Variants in SGIP1 observed in about 807,000 individuals in gnomAD.
SGIP1 encodes the protein SH3-containing GRB2-like protein 3-interacting protein 1.
A neutral mutation model predicts 107.5 loss-of-function variants in SGIP1; 38 were observed. The observed-to-expected ratio is 0.35, with a 90% CI of 0.27 to 0.46. The LOEUF is 0.46. SGIP1 is among the 20% of genes least tolerant of loss of function. The pLI is 1.00. For synonymous variants in SGIP1, 365 were observed against 366.1 expected (o/e 1.00, Z 0.03); for missense variants, 929 against 1,019.5 (o/e 0.91, Z 1.21).
intron 14 of SGIP1, among the ~76,000 whole-genome samples, chr1:66,680,774 T>C (rs2086530148): frequency 6.6e-6 from 1 of 152,222 alleles, no homozygotes; most frequent in Non-Finnish European, 1.5e-5. Flanking sequence ...TGAAAGTTAA[T>C]TCCTTTCAAG....
Position 66,635,954 on chromosome 1 carries a change from C to G in SGIP1, c.110C>G (p.Pro37Arg), listed in dbSNP as rs929410111. The G allele has an allele frequency of 1.2e-6, 2 of 1,613,708 alleles. No homozygotes were observed. The highest frequency in any genetic ancestry group is 3.3e-5 in the Admixed American group (2 of 59,950). ...AACAATCAATTCCAGCAGCCCAGCC[C>G]ACACGAACCACCCTACAATAGCAAA... ...SPDRDGIQPS[P>R]HEPPYNSKAE... Residue 37 changes from proline to arginine, a missense_variant, in exon 4 of 25, where the codon CCA (proline) becomes CGA (arginine). By Grantham distance (103) the Pro-to-Arg change is moderately radical (BLOSUM62 -2). Transcript: ENST00000371037.
chr1:66,723,576 C>T (rs924125716), intron 19 of SGIP1, among the ~76,000 whole-genome samples: 2 of 152,142 alleles, frequency 1.3e-5, no homozygotes, highest in Admixed American at 6.5e-5. Flanking sequence ...CTCTCTTATC[C>T]TTCTTTTATC....
intron 1 of SGIP1, among the ~76,000 whole-genome samples, chr1:66,541,228 A>T (rs530492641): frequency 6.6e-6 from 1 of 152,364 alleles, no homozygotes; most frequent in African/African-American, 2.4e-5. Context: ...ACTAGGCATT[A>T]TTCTAAGTGC....
At chr1:66,632,245 C>T (rs1219633433) in intron 2 of SGIP1, among the ~76,000 whole-genome samples, 1 of 152,168 alleles carries the variant, frequency 6.6e-6, no homozygotes, top group African/African-American at 2.4e-5. Context: ...TCATCTTACT[C>T]GAAAGCCCTT....
intron 15 of SGIP1, chr1:66,684,197 A>C (rs2087620373): frequency 1.3e-6 from 2 of 1,550,472 alleles, no homozygotes; most frequent in Non-Finnish European, 1.7e-6. Flanking sequence ...GGTCTGTCTG[A>C]GCTGGAGCCT....
At chr1:66,633,542 A>G (rs1234472761) in intron 3 of SGIP1, among the ~76,000 whole-genome samples, 1 of 152,216 alleles carries the variant, frequency 6.6e-6, no homozygotes, top group Non-Finnish European at 1.5e-5. Context: ...TATTAAATTC[A>G]AAAGTAGGAG....
intron 1 of SGIP1, among the ~76,000 whole-genome samples, chr1:66,620,968 T>C (rs1279548355): frequency 6.6e-6 from 1 of 152,228 alleles, no homozygotes; most frequent in Non-Finnish European, 1.5e-5. Context: ...TAAAGAATGT[T>C]CTTTTCATGC....
At position 66,750,036 on chromosome 1, in the gene SGIP1, G is replaced by GGTGTGTGT. The variant is rs1197339481; in HGVS notation, c.*6966_*6973dup. Among the ~76,000 whole-genome samples, 3 of 119,072 alleles carry GGTGTGTGT rather than the reference G, an allele frequency of 2.5e-5. No individual in the cohort carries two copies. The highest frequency in any genetic ancestry group is 4.9e-4 in the East Asian group (2 of 4,110). The allele number at this position is 119,072 out of a possible 152,430, so 78.1% of individuals were successfully genotyped here. On this transcript the variant is annotated 3_prime_UTR_variant, in exon 25 of 25. Transcript: ENST00000371037. ...CTCTCTTTCTCTGTGTGTGTGTGGG[G>GGTGTGTGT]GTGTGTGTGTGTGTGTGTGTGTGTG...
chr1:66,538,204 T>C (rs925733418), intron 1 of SGIP1, among the ~76,000 whole-genome samples: 2 of 152,178 alleles, frequency 1.3e-5, no homozygotes, highest in South Asian at 4.1e-4. Context: ...GAAAATTCTT[T>C]GGTTTGGTCA....
At chr1:66,648,922 T>C (rs981931434) in intron 7 of SGIP1, among the ~76,000 whole-genome samples, 3 of 152,206 alleles carry the variant, frequency 2.0e-5, no homozygotes, top group African/African-American at 7.2e-5. Context: ...AAAGGAAGGA[T>C]GATAAGAATC....
chr1:66,610,289 T>C (rs954579928), intron 1 of SGIP1, among the ~76,000 whole-genome samples: 2 of 152,228 alleles, frequency 1.3e-5, no homozygotes, highest in East Asian at 1.9e-4. Context: ...AACATTTGTT[T>C]TTCTATGTGA....
chr1:66,544,890 T>C (rs2055980232), intron 1 of SGIP1, among the ~76,000 whole-genome samples: 2 of 152,186 alleles, frequency 1.3e-5, no homozygotes, highest in Non-Finnish European at 2.9e-5. Context: ...CTGTAACCAT[T>C]AAATTTCTCT....
chr1:66,673,705 C>A (rs1451981930), intron 12 of SGIP1, among the ~76,000 whole-genome samples: 3 of 152,324 alleles, frequency 2.0e-5, no homozygotes, highest in Admixed American at 2.0e-4. Context: ...AACAGAATCA[C>A]AAATGGAGAC....
intron 5 of SGIP1, among the ~76,000 whole-genome samples, chr1:66,641,267 C>A (rs950820711): frequency 6.6e-6 from 1 of 152,132 alleles, no homozygotes; most frequent in African/African-American, 2.4e-5. Context: ...CCGTAGTAGT[C>A]ATTTTGCTAT....
chr1:66,535,176 C>T lies in SGIP1; in HGVS notation c.10+808C>T, dbSNP rs576621900. Among the ~76,000 whole-genome samples the T allele has an allele frequency of 3.9e-5, 6 of 152,290 alleles. No homozygotes were observed. In the South Asian group the frequency reaches 1.2e-3, roughly 32 times the overall value. On this transcript the variant is annotated intron_variant, in intron 1 of 24. Transcript: ENST00000371037. ...TGCTAAATTACCCTTCCCAGTCTGA[C>T]ACTGTGACAGCCAAGATTGTCTCCA...
At chr1:66,724,138 C>T (rs970772555) in intron 19 of SGIP1, among the ~76,000 whole-genome samples, 1 of 152,176 alleles carries the variant, frequency 6.6e-6, no homozygotes. Context: ...AGAGATGCAT[C>T]TCTGATGACC....
intron 18 of SGIP1, among the ~76,000 whole-genome samples, chr1:66,697,255 ATATT>A (rs2091098465): frequency 1.3e-5 from 2 of 152,216 alleles, no homozygotes; most frequent in Admixed American, 1.3e-4. Flanking sequence ...TCAAATATAA[ATATT>A]TAATAAATGT....
intron 7 of SGIP1, among the ~76,000 whole-genome samples, chr1:66,657,586 A>T (rs192925064): frequency 6.6e-6 from 1 of 150,468 alleles, no homozygotes; most frequent in Admixed American, 6.6e-5. Flanking sequence ...AGCCAGAGAG[A>T]GACAGAGAGA....
chr1:66,639,763 C>G lies in SGIP1; in HGVS notation c.172-14C>G. On this transcript the variant is annotated splice_polypyrimidine_tract_variant and intron_variant, in intron 4 of 24. Coordinates refer to ENST00000371037, the MANE Select transcript of SGIP1 (RefSeq NM_032291.4). ...AATGTTTTCCTTCTAAATTCATTTT[C>G]AAATTTATTACAGAAGAAAAGCAAT... 1 of 1,602,830 alleles carries G rather than the reference C, an allele frequency of 6.2e-7. No individual in the cohort carries two copies. Among genetic ancestry groups the G allele is most frequent in the Non-Finnish European group, 8.5e-7 (1 of 1,172,386 alleles).
Sources: gnomAD v4.1 joint callset for allele counts (sites outside exome capture counted in the v4.1 genomes callset) on GRCh38, gnomAD v4.1.1 for gene constraint, MANE v1.5 for transcripts, NCBI Gene and HGNC (gene_info 2026-07-23, HGNC 2026-07-21) for gene names.